The following ROR1 variants were observed in gnomAD, a reference collection of about 807,000 sequenced individuals.
The protein encoded by ROR1 is ROR family WNT receptor 1.
ROR1 carries 19 observed loss-of-function variants against 78.8 expected under a neutral mutation model. The ratio of observed to expected loss-of-function variants is 0.24; its 90% confidence interval spans 0.17 to 0.35. The LOEUF (loss-of-function observed/expected upper bound fraction) is 0.35, where lower values mean the gene tolerates loss of function less well. ROR1 is among the 10% of genes least tolerant of loss of function. The pLI is 1.00. For missense variants in ROR1, 917 were observed against 1,177.8 expected, an observed-to-expected ratio of 0.78 and a Z score of 3.24; for synonymous variants, 386 against 433.6, an observed-to-expected ratio of 0.89 and a Z score of 1.36.
At chr1:64,030,766 C>T (rs543108689) in intron 2 of ROR1, among the ~76,000 whole-genome samples, 2 of 152,180 alleles carry the variant, frequency 1.3e-5, no homozygotes, top group Non-Finnish European at 2.9e-5. Context: ...CCTAACTTCT[C>T]CCATCCCTTT....
At chr1:63,943,763 C>G (rs1645860235) in intron 1 of ROR1, among the ~76,000 whole-genome samples, 2 of 152,030 alleles carry the variant, frequency 1.3e-5, no homozygotes, top group Admixed American at 1.3e-4. Flanking sequence ...TGTTCTTTTC[C>G]CATTAAAATA....
chr1:63,968,121 GAATGTTAAATAGTTGTAT>G (rs1646090674), intron 1 of ROR1, among the ~76,000 whole-genome samples: 1 of 152,144 alleles, frequency 6.6e-6, no homozygotes, highest in African/African-American at 2.4e-5. Context: ...TCAGATCCAA[GAATGTTAAATAGTTGTAT>G]CCGAAGCTAG....
intron 4 of ROR1, among the ~76,000 whole-genome samples, chr1:64,126,284 T>C (rs1182256522): frequency 2.0e-5 from 3 of 152,168 alleles, no homozygotes; most frequent in African/African-American, 4.8e-5. Flanking sequence ...AAGATGTCCA[T>C]GGGGCAGTTA....
chr1:63,797,065 A>G (rs1003436103), intron 1 of ROR1, among the ~76,000 whole-genome samples: 1 of 152,188 alleles, frequency 6.6e-6, no homozygotes, highest in African/African-American at 2.4e-5. Context: ...AGAGGACTCT[A>G]GTTCATTTTT....
At chr1:64,164,365 T>C (rs1210856969) in intron 8 of ROR1, among the ~76,000 whole-genome samples, 2 of 152,308 alleles carry the variant, frequency 1.3e-5, no homozygotes, top group Non-Finnish European at 2.9e-5. Flanking sequence ...AGAGCAAGAG[T>C]GTAGAGACAA....
chr1:64,101,495 G>A (rs1361531644), intron 4 of ROR1, among the ~76,000 whole-genome samples: 4 of 152,098 alleles, frequency 2.6e-5, no homozygotes, highest in Admixed American at 6.6e-5. Flanking sequence ...AGCTCCTGAC[G>A]AAGAAGGGCC....
At chr1:64,052,222 T>C (rs1302333546) in intron 4 of ROR1, among the ~76,000 whole-genome samples, 2 of 151,906 alleles carry the variant, frequency 1.3e-5, no homozygotes, top group Non-Finnish European at 2.9e-5. Context: ...CACCATTGGT[T>C]ATATGTGGAA....
At chr1:64,073,749 T>C (rs895152771) in intron 4 of ROR1, among the ~76,000 whole-genome samples, 1 of 152,206 alleles carries the variant, frequency 6.6e-6, no homozygotes, top group African/African-American at 2.4e-5. Flanking sequence ...GGGGCCTCTT[T>C]GAAGAGCTCT....
At chr1:64,035,083 C>A (rs149863347) in intron 2 of ROR1, among the ~76,000 whole-genome samples, 14 of 152,286 alleles carry the variant, frequency 9.2e-5, no homozygotes, top group Admixed American at 2.0e-4. Flanking sequence ...CAAATCACAT[C>A]TTTTGGTAAA....
intron 1 of ROR1, among the ~76,000 whole-genome samples, chr1:63,996,674 A>G (rs1348036561): frequency 6.6e-6 from 1 of 152,074 alleles, no homozygotes; most frequent in Non-Finnish European, 1.5e-5. Context: ...CTTTTAATAT[A>G]TTTTTCTGAA....
intron 1 of ROR1, among the ~76,000 whole-genome samples, chr1:63,862,552 T>C (rs921673739): frequency 6.6e-6 from 1 of 152,166 alleles, no homozygotes; most frequent in African/African-American, 2.4e-5. Flanking sequence ...GAAAGAAGTA[T>C]ATCTTTGAAA....
At chr1:63,956,651 A>T (rs1645984846) in intron 1 of ROR1, among the ~76,000 whole-genome samples, 2 of 152,198 alleles carry the variant, frequency 1.3e-5, no homozygotes, top group East Asian at 3.9e-4. Flanking sequence ...AAACATTGTG[A>T]TGCCTTGTGG....
At chr1:64,129,338 A>G (rs1648831514) in intron 4 of ROR1, among the ~76,000 whole-genome samples, 1 of 152,242 alleles carries the variant, frequency 6.6e-6, no homozygotes, top group Admixed American at 6.5e-5. Flanking sequence ...GAAAAAAAAA[A>G]TCAAAGCAAT....
chr1:64,167,489 C>T (rs575457671), intron 8 of ROR1, among the ~76,000 whole-genome samples: 8 of 152,330 alleles, frequency 5.3e-5, no homozygotes, highest in Middle Eastern at 6.8e-3. Flanking sequence ...GCACTTAATC[C>T]AGCTGTAGTC....
intron 1 of ROR1, among the ~76,000 whole-genome samples, chr1:63,888,465 A>G (rs948154582): frequency 6.6e-6 from 1 of 152,036 alleles, no homozygotes; most frequent in Non-Finnish European, 1.5e-5. Flanking sequence ...TACAAAAAAA[A>G]CTTTAAAAAT....
At chr1:63,777,700 G>A (rs867366944) in intron 1 of ROR1, among the ~76,000 whole-genome samples, 5 of 152,260 alleles carry the variant, frequency 3.3e-5, no homozygotes, top group Middle Eastern at 3.4e-3. Flanking sequence ...TCTGAAATTA[G>A]TATCAGGTTT....
chr1:63,833,893 C>T (rs1557518661), intron 1 of ROR1, among the ~76,000 whole-genome samples: 1 of 151,250 alleles, frequency 6.6e-6, no homozygotes, highest in Non-Finnish European at 1.5e-5. Flanking sequence ...AAAGACTATG[C>T]TTTACAAATA....
Position 63,874,703 on chromosome 1 carries a change from T to C in ROR1, c.91+100195T>C, listed in dbSNP as rs77062469. 9.4e-3 allele frequency among the ~76,000 whole-genome samples: 1,435 copies of C among 152,234 alleles called. 27 individuals carry two copies. Among genetic ancestry groups the C allele is most frequent in the African/African-American group, 0.033 (1,368 of 41,540 alleles). On this transcript the variant is annotated intron_variant, in intron 1 of 8. Coordinates refer to ENST00000371079, the MANE Select transcript of ROR1 (RefSeq NM_005012.4). ...TAAGGTCCCTGGGCTGCTTCCTACT[T>C]CTTCTTAGAGTGGTTAAGGCCCTCT...
In ROR1 at chr1:63,905,998, C is replaced by T. The variant is rs1463807860; in HGVS notation, c.92-103307C>T. On this transcript the variant is annotated intron_variant, in intron 1 of 8. Coordinates refer to ENST00000371079, the MANE Select transcript of ROR1 (RefSeq NM_005012.4). ...TGATAATTAGCTAAATGTAATCAAA[C>T]GGTTCCATTTAGAATGTTTTTAGGT... 3.3e-5 allele frequency among the ~76,000 whole-genome samples: 5 copies of T among 152,166 alleles called. No individual in the cohort carries two copies. In the South Asian group the frequency reaches 6.2e-4, roughly 19 times the overall value.
Sources: allele counts gnomAD v4.1 joint callset (sites outside exome capture counted in the v4.1 genomes callset), GRCh38; gene constraint gnomAD v4.1.1; transcripts MANE v1.5; gene names NCBI Gene and HGNC (gene_info 2026-07-23, HGNC 2026-07-21).